The following CPNE2 variants were observed in gnomAD, a reference collection of about 807,000 sequenced individuals.
The protein encoded by CPNE2 is copine 2.
In CPNE2, 42 loss-of-function variants were observed where a neutral mutation model predicts 69.7. The ratio of observed to expected loss-of-function variants is 0.60; its 90% CI spans 0.47 to 0.78. The LOEUF (loss-of-function observed/expected upper bound fraction) is 0.78, where lower values mean the gene tolerates loss of function less well. Among genes scored for constraint, CPNE2 ranks in the 30% least tolerant of loss-of-function variants. The pLI, the probability that CPNE2 is intolerant of heterozygous loss-of-function variation, is 0.00. For missense variants in CPNE2, 587 were observed against 732.0 expected, an observed-to-expected ratio of 0.80 and a Z score of 2.29; for synonymous variants, 294 against 289.8, an observed-to-expected ratio of 1.01 and a Z score of -0.15.
chr16:57,114,052 A>G (rs1417624325), intron 3 of CPNE2, among the ~76,000 whole-genome samples: 1 of 152,240 alleles, frequency 6.6e-6, no homozygotes, highest in African/African-American at 2.4e-5. Flanking sequence ...AGGGAATGAA[A>G]TGGAAAATGC....
chr16:57,128,040 C>T, intron 12 of CPNE2, 137 bp downstream of exon 12: 1 of 834,332 alleles, frequency 1.2e-6, no homozygotes, highest in Non-Finnish European at 2.0e-6. Context: ...AGGCCACGCT[C>T]ATTTCTCAAG....
chr16:57,127,038 C>G (rs538851201), intron 11 of CPNE2, among the ~76,000 whole-genome samples: 1 of 152,224 alleles, frequency 6.6e-6, no homozygotes, highest in Admixed American at 6.5e-5. Flanking sequence ...GTTGAGTGCA[C>G]ATACAAATGA....
At chr16:57,112,580 C>A (rs1048880412) in intron 2 of CPNE2, among the ~76,000 whole-genome samples, 2 of 152,194 alleles carry the variant, frequency 1.3e-5, no homozygotes, top group Non-Finnish European at 2.9e-5. Context: ...GTCACCCAGA[C>A]TCCGCGGTTT....
chr16:57,116,626 C>T (rs2069721163), intron 4 of CPNE2, among the ~76,000 whole-genome samples: 1 of 152,238 alleles, frequency 6.6e-6, no homozygotes, highest in Admixed American at 6.5e-5. Flanking sequence ...CCCCACTCAC[C>T]CGGGTATGCC....
At position 57,148,010 on chromosome 16, in the gene CPNE2, A is replaced by G. The variant is rs751133803; in HGVS notation, c.*352A>G. On this transcript the variant is annotated 3_prime_UTR_variant, in exon 16 of 16. Transcript: ENST00000290776. ...CTAGCTGCAGACTCTGATGAAAGAA[A>G]CATGTCCTTGGTGCATACGTGTCGT... 2.1e-5 allele frequency: 4 copies of G among 191,578 alleles called. No individual in the cohort carries two copies. The highest frequency in any genetic ancestry group is 4.3e-5 in the Non-Finnish European group (4 of 94,104). 11.9% of individuals were successfully genotyped at this position (191,578 alleles called of 1,614,324 possible).
intron 5 of CPNE2, among the ~76,000 whole-genome samples, chr16:57,118,865 G>T (rs1412946323): frequency 1.3e-5 from 2 of 152,168 alleles, no homozygotes; most frequent in Admixed American, 1.3e-4. Context: ...ACCCTACCTT[G>T]GGAATAGTCA....
At chr16:57,109,721 A>G (rs955501690) in intron 1 of CPNE2, among the ~76,000 whole-genome samples, 4 of 152,180 alleles carry the variant, frequency 2.6e-5, no homozygotes, top group Non-Finnish European at 2.9e-5. Flanking sequence ...GGTCACTCTC[A>G]TGGCCGTCTT....
chr16:57,110,648 A>C, intron 1 of CPNE2, 60 bp from the exon 2 acceptor site: 1 of 1,150,446 alleles, frequency 8.7e-7, no homozygotes, highest in Non-Finnish European at 1.2e-6. Context: ...ATGCCTCCCT[A>C]TGGTGGGGCA....
intron 1 of CPNE2, among the ~76,000 whole-genome samples, chr16:57,106,782 TTGGATACTC>T (rs1404151313): frequency 6.6e-6 from 1 of 152,134 alleles, no homozygotes; most frequent in East Asian, 1.9e-4. Context: ...ACTGGTGAAC[TTGGATACTC>T]TGGGGCCCAT....
At chr16:57,129,170 T>C (rs546946617) in intron 12 of CPNE2, 2 of 152,734 alleles carry the variant, frequency 1.3e-5, no homozygotes, top group Admixed American at 6.5e-5. Context: ...AGACCCTCCA[T>C]TGGAGGTGAG....
At position 57,119,181 on chromosome 16, in the gene CPNE2, C is replaced by T; in HGVS notation, c.508-14C>T. Reference sequence around the variant, plus strand: ...GCTGTACCTCTCTCACCCGCATCCTCCCACTTCTCCCAGGACCTCTTTGGG... The same window carrying T: ...GCTGTACCTCTCTCACCCGCATCCTTCCACTTCTCCCAGGACCTCTTTGGG... On this transcript the variant is annotated splice_polypyrimidine_tract_variant and intron_variant, in intron 5 of 15. Coordinates refer to ENST00000290776, the MANE Select transcript of CPNE2 (RefSeq NM_152727.6). 1 of 1,612,958 alleles carries T rather than the reference C, an allele frequency of 6.2e-7. No individual in the cohort carries two copies. The highest frequency in any genetic ancestry group is 1.1e-5 in the South Asian group (1 of 91,040).
At chr16:57,097,614 A>T (rs1383173941) in intron 1 of CPNE2, among the ~76,000 whole-genome samples, 3 of 152,184 alleles carry the variant, frequency 2.0e-5, no homozygotes, top group Non-Finnish European at 4.4e-5. Context: ...CACATGGCCC[A>T]GGTTGCATAG....
chr16:57,147,629 C>T lies in CPNE2; in HGVS notation c.1618C>T (p.Leu540=), dbSNP rs2069968874. Residue 540 remains leucine, a synonymous_variant, in exon 16 of 16, where the codon CTG becomes TTG. Coordinates refer to ENST00000290776, the MANE Select transcript of CPNE2 (RefSeq NM_152727.6). ...QVVQYFKHKN[L]PPTNSEPA is the part of the protein sequence containing the mutation. ...TGTGCAGTATTTCAAGCATAAAAAC[C>T]TGCCCCCCACCAACTCGGAGCCCGC... is the stretch of plus-strand genomic sequence containing the variant. The T allele has an allele frequency of 1.2e-6, 2 of 1,604,938 alleles. No individual in the cohort carries two copies. The highest frequency in any genetic ancestry group is 1.3e-5 in the African/African-American group (1 of 74,862).
At chr16:57,136,562 G>A (rs1160033023) in intron 13 of CPNE2, among the ~76,000 whole-genome samples, 1 of 152,054 alleles carries the variant, frequency 6.6e-6, no homozygotes, top group Non-Finnish European at 1.5e-5. Flanking sequence ...CCCATTGACA[G>A]ACAAAGACGT....
chr16:57,126,983 G>A (rs1163141755), intron 11 of CPNE2, among the ~76,000 whole-genome samples: 1 of 152,210 alleles, frequency 6.6e-6, no homozygotes, highest in African/African-American at 2.4e-5. Context: ...GCCCCCAGCT[G>A]TGTGTCCCCT....
rs530262386 is a variant in CPNE2, at chr16:57,142,066, CT to C, written c.1303-4018del. 5.9e-5 allele frequency: 9 copies of C among 152,422 alleles called. No individual in the cohort carries two copies. The South Asian group carries it at 1.9e-3, about 32-fold the overall frequency. 9.4% of individuals were successfully genotyped at this position (152,422 alleles called of 1,614,324 possible). Reference sequence around the variant, plus strand: ...GGTGGAAGCCTCTCTCTAGGCAGGGCTGCACTCTCCCATTCATTCACTCAAC... The same window carrying C: ...GGTGGAAGCCTCTCTCTAGGCAGGGCGCACTCTCCCATTCATTCACTCAAC... On this transcript the variant is annotated intron_variant, in intron 14 of 15. Transcript: ENST00000290776.
intron 1 of CPNE2, among the ~76,000 whole-genome samples, chr16:57,108,778 G>A (rs1270721960): frequency 2.0e-5 from 3 of 152,208 alleles, no homozygotes; most frequent in African/African-American, 4.8e-5. Flanking sequence ...GAAGTCCTTC[G>A]ACTGATCACA....
At position 57,099,445 on chromosome 16, in the gene CPNE2, T is replaced by G. The variant is rs375290508; in HGVS notation, c.-36+6655T>G. Among the ~76,000 whole-genome samples, 62 of 152,168 alleles carry G rather than the reference T, an allele frequency of 4.1e-4. 1 individual carries two copies. The highest frequency in any genetic ancestry group is 3.4e-3 in the Middle Eastern group (1 of 294). ...GTATCTTTGGGTGAACATACGTGAGTGTTTTCGTTGGGCACTAATGTTTCT... is the reference window on the plus strand; with the variant it reads ...GTATCTTTGGGTGAACATACGTGAGGGTTTTCGTTGGGCACTAATGTTTCT... On this transcript the variant is annotated intron_variant, in intron 1 of 15. Transcript: ENST00000290776.
chr16:57,098,089 TG>T (rs2069589503), intron 1 of CPNE2, among the ~76,000 whole-genome samples: 1 of 47,544 alleles, frequency 2.1e-5, no homozygotes. Flanking sequence ...CCTGGGAGGG[TG>T]GGGGTGGGGG....
Sources: allele counts gnomAD v4.1 joint callset (sites outside exome capture counted in the v4.1 genomes callset), GRCh38; gene constraint gnomAD v4.1.1; transcripts MANE v1.5; gene names NCBI Gene and HGNC (gene_info 2026-07-23, HGNC 2026-07-21).